Variants in RPS6KC1 observed in about 807,000 individuals in gnomAD.
RPS6KC1 encodes ribosomal protein S6 kinase C1.
Under a neutral mutation model 103.8 loss-of-function variants are expected in RPS6KC1, and 54 were observed. The observed-to-expected ratio is 0.52, with a 90% CI of 0.42 to 0.65. The LOEUF (loss-of-function observed/expected upper bound fraction) is 0.65. RPS6KC1 is among the 30% of genes least tolerant of loss of function. The probability of loss-of-function intolerance (pLI) is 0.00; values close to 1 mark genes in which losing one functional copy is unlikely to be tolerated. For synonymous variants in RPS6KC1, 439 were observed against 438.7 expected (o/e 1.00, Z -0.01); for missense variants, 1,151 against 1,253.8 (o/e 0.92, Z 1.24).
At chr1:213,161,397 T>A (rs936851064) in intron 6 of RPS6KC1, among the ~76,000 whole-genome samples, 27 of 152,150 alleles carry the variant, frequency 1.8e-4, no homozygotes. Context: ...CTTGGCTTAC[T>A]GCAGCTTCTG....
chr1:213,241,261 T>C lies in RPS6KC1; in HGVS notation c.1785T>C (p.Asn595=), dbSNP rs762430324. 1.3e-5 allele frequency: 21 copies of C among 1,613,796 alleles called. No homozygotes were observed. Among genetic ancestry groups the C allele is most frequent in the Admixed American group, 8.3e-5 (5 of 59,930 alleles). The change falls in exon 11 of 15, where the codon AAT becomes AAC. Residue 595 remains asparagine (N), a synonymous_variant. Coordinates refer to ENST00000366960, the MANE Select transcript of RPS6KC1 (RefSeq NM_012424.6). ...RTSDSLSRSK[N]SPMEFFRIDS... ...CAGATTCCCTCAGTAGATCAAAAAATAGCCCCATGGAATTCTTTAGGATAG... is the reference window on the plus strand; with the variant it reads ...CAGATTCCCTCAGTAGATCAAAAAACAGCCCCATGGAATTCTTTAGGATAG...
the RPS6KC1 span, among the ~76,000 whole-genome samples, chr1:213,528,167 T>C: frequency 2.0e-5 from 3 of 152,094 alleles, no homozygotes; most frequent in African/African-American, 7.2e-5. Flanking sequence ...GGGTAATTTA[T>C]AAAGGGAAGA....
intron 6 of RPS6KC1, among the ~76,000 whole-genome samples, chr1:213,142,741 T>C (rs1329013780): frequency 6.6e-6 from 1 of 152,102 alleles, no homozygotes; most frequent in Non-Finnish European, 1.5e-5. Flanking sequence ...AGCAAAAAGA[T>C]TGCGACTTAC....
the RPS6KC1 span, among the ~76,000 whole-genome samples, chr1:213,472,163 A>AT: frequency 1.8e-4 from 28 of 152,236 alleles, no homozygotes; most frequent in Middle Eastern, 3.4e-3. Context: ...TTCTTAGTTG[A>AT]TTTTTTTCTA....
chr1:213,058,612 T>C (rs1480292271), intron 1 of RPS6KC1, among the ~76,000 whole-genome samples: 1 of 152,168 alleles, frequency 6.6e-6, no homozygotes, highest in East Asian at 1.9e-4. Context: ...TAAAGCTGTT[T>C]CTGGATTCTC....
At chr1:213,583,839 GAAAAAAGAAA>G in the RPS6KC1 span, among the ~76,000 whole-genome samples, 5 of 123,752 alleles carry the variant, frequency 4.0e-5, no homozygotes, top group East Asian at 2.6e-4. Flanking sequence ...AAAAAAAAAA[GAAAAAAGAAA>G]AAAAAAGAAA....
At chr1:213,155,148 C>T (rs745910417) in intron 6 of RPS6KC1, among the ~76,000 whole-genome samples, 5 of 152,160 alleles carry the variant, frequency 3.3e-5, no homozygotes, top group Non-Finnish European at 7.4e-5. Flanking sequence ...GTCCTCCCCA[C>T]TTTCCTCTCC....
the RPS6KC1 span, among the ~76,000 whole-genome samples, chr1:213,576,043 GT>G: frequency 6.6e-6 from 1 of 152,080 alleles, no homozygotes; most frequent in Non-Finnish European, 1.5e-5. Flanking sequence ...CTCTGGAATG[GT>G]TTAGGTGGGA....
chr1:213,646,166 G>C, the RPS6KC1 span, among the ~76,000 whole-genome samples: 1 of 152,304 alleles, frequency 6.6e-6, no homozygotes, highest in Non-Finnish European at 1.5e-5. Flanking sequence ...CCCCCTGAAA[G>C]GGTTATGGAC....
the RPS6KC1 span, among the ~76,000 whole-genome samples, chr1:213,833,993 A>C: frequency 6.6e-6 from 1 of 152,206 alleles, no homozygotes; most frequent in Non-Finnish European, 1.5e-5. Flanking sequence ...ACCCAAAATG[A>C]GGTTAAATAA....
chr1:213,807,835 G>C, the RPS6KC1 span, among the ~76,000 whole-genome samples: 339 of 152,278 alleles, frequency 2.2e-3, no homozygotes, highest in African/African-American at 7.9e-3. Flanking sequence ...GCGATCCTTT[G>C]GAGGAGAAGA....
intron 2 of RPS6KC1, among the ~76,000 whole-genome samples, chr1:213,076,393 G>A (rs1214025004): frequency 6.6e-6 from 1 of 152,034 alleles, no homozygotes; most frequent in African/African-American, 2.4e-5. Context: ...AATCACACCT[G>A]GTTACCTGCT....
intron 3 of RPS6KC1, 105 bp from the exon 4 acceptor site, chr1:213,104,349 A>G (rs1331552892): frequency 1.5e-5 from 10 of 654,270 alleles, no homozygotes; most frequent in Non-Finnish European, 2.4e-5. Context: ...AAGCAAAGCA[A>G]CTAAGTGATA....
At chr1:213,421,579 G>T in the RPS6KC1 span, among the ~76,000 whole-genome samples, 1 of 152,232 alleles carries the variant, frequency 6.6e-6, no homozygotes, top group Non-Finnish European at 1.5e-5. Flanking sequence ...TAACCCTGGG[G>T]CTCCAGGTTG....
At chr1:213,442,912 G>C in the RPS6KC1 span, among the ~76,000 whole-genome samples, 5 of 151,850 alleles carry the variant, frequency 3.3e-5, no homozygotes, top group African/African-American at 1.2e-4. Context: ...CACAGTTCAG[G>C]AGTGGGCACC....
the RPS6KC1 span, among the ~76,000 whole-genome samples, chr1:213,312,037 AC>A: frequency 6.6e-6 from 1 of 151,800 alleles, no homozygotes; most frequent in Non-Finnish European, 1.5e-5. Flanking sequence ...AGCTGAGACT[AC>A]AGGTGTGCGC....
intron 8 of RPS6KC1, among the ~76,000 whole-genome samples, chr1:213,193,020 G>C (rs1030460516): frequency 6.7e-6 from 1 of 150,208 alleles, no homozygotes; most frequent in African/African-American, 2.4e-5. Context: ...TCTTGTTACT[G>C]ATTTCTAGTT....
At chr1:213,854,628 C>T in the RPS6KC1 span, among the ~76,000 whole-genome samples, 52 of 151,214 alleles carry the variant, frequency 3.4e-4, no homozygotes, top group African/African-American at 9.7e-4. Flanking sequence ...TATTCACCCT[C>T]TGATTTAATG....
chr1:213,534,378 G>C, the RPS6KC1 span, among the ~76,000 whole-genome samples: 1 of 152,188 alleles, frequency 6.6e-6, no homozygotes, highest in Non-Finnish European at 1.5e-5. Context: ...TTCCTATATA[G>C]TAACTCATTT....
Sources: allele counts gnomAD v4.1 joint callset (sites outside exome capture counted in the v4.1 genomes callset), GRCh38; gene constraint gnomAD v4.1.1; transcripts MANE v1.5; gene names NCBI Gene and HGNC (gene_info 2026-07-23, HGNC 2026-07-21).